Variants in CDH11 observed in about 807,000 individuals in gnomAD.
The protein encoded by CDH11 is cadherin 11.
Under a neutral mutation model 67.8 loss-of-function variants are expected in CDH11, and 11 were observed. The observed-to-expected ratio is 0.16, with a 90% CI of 0.10 to 0.27. CDH11 has a LOEUF of 0.27. Among genes scored for constraint, CDH11 ranks in the 10% least tolerant of loss-of-function variants. CDH11 has a pLI of 1.00. For synonymous variants in CDH11, 419 were observed against 400.0 expected (o/e 1.05, Z -0.57); for missense variants, 847 against 1,031.2 (o/e 0.82, Z 2.45).
At chr16:65,064,369 A>T (rs544161877) in intron 1 of CDH11, among the ~76,000 whole-genome samples, 1 of 152,366 alleles carries the variant, frequency 6.6e-6, no homozygotes, top group East Asian at 1.9e-4. Context: ...CAGAGGTGAT[A>T]ATATGTGCAC....
intron 1 of CDH11, among the ~76,000 whole-genome samples, chr16:65,108,320 G>T (rs893073869): frequency 1.7e-4 from 26 of 152,314 alleles, no homozygotes; most frequent in Non-Finnish European, 3.7e-4. Flanking sequence ...AGCAGGAATG[G>T]TGATGAATAA....
chr16:65,083,694 C>T (rs561880757), intron 1 of CDH11, among the ~76,000 whole-genome samples: 16 of 152,318 alleles, frequency 1.1e-4, no homozygotes, highest in Admixed American at 4.6e-4. Flanking sequence ...TTTGCAACTC[C>T]CTTATAAAGG....
At chr16:65,091,842 T>C (rs1037181057) in intron 1 of CDH11, among the ~76,000 whole-genome samples, 3 of 152,184 alleles carry the variant, frequency 2.0e-5, no homozygotes, top group African/African-American at 7.2e-5. Flanking sequence ...TACCCTAGCC[T>C]CAGTTCCCTA....
chr16:65,111,771 C>G (rs770866999), intron 1 of CDH11, among the ~76,000 whole-genome samples: 2 of 151,270 alleles, frequency 1.3e-5, no homozygotes, highest in African/African-American at 4.9e-5. Flanking sequence ...TGGAAGACAA[C>G]TTAAAAATGA....
chr16:65,077,099 G>T (rs1040635900), intron 1 of CDH11, among the ~76,000 whole-genome samples: 1 of 152,082 alleles, frequency 6.6e-6, no homozygotes, highest in East Asian at 1.9e-4. Context: ...ACTGCATCTT[G>T]TTATTTCCAA....
chr16:65,100,762 GA>G (rs1256861812), intron 1 of CDH11, among the ~76,000 whole-genome samples: 7 of 150,048 alleles, frequency 4.7e-5, no homozygotes, highest in African/African-American at 1.7e-4. Context: ...AAGAAAGAAA[GA>G]AAAAGAAAAA....
chr16:65,030,845 G>T (rs1376493648), intron 2 of CDH11, among the ~76,000 whole-genome samples: 1 of 152,182 alleles, frequency 6.6e-6, no homozygotes, highest in African/African-American at 2.4e-5. Flanking sequence ...TTAGAGGTGT[G>T]AGCCACTATG....
chr16:65,052,460 G>T (rs1327428035), intron 2 of CDH11, among the ~76,000 whole-genome samples: 1 of 152,178 alleles, frequency 6.6e-6, no homozygotes, highest in Non-Finnish European at 1.5e-5. Flanking sequence ...TATGAGGTGA[G>T]AGAGATTATG....
chr16:65,043,340 C>CAA lies in CDH11; in HGVS notation c.-173+10463_-173+10464insTT, dbSNP rs1194216832. On this transcript the variant is annotated intron_variant, in intron 2 of 12. Transcript: ENST00000268603. The stretch of plus-strand genomic sequence containing the variant: ...ACGCTGACTCTGAGATGGAGTTTAG[C>CAA]ATGGGGATGTTTACTAGGGGGTACC... Among the ~76,000 whole-genome samples the CAA allele has an allele frequency of 2.5e-3, 374 of 152,196 alleles. 3 individuals carry two copies. The highest frequency in any genetic ancestry group is 8.3e-3 in the African/African-American group (345 of 41,522).
Position 64,967,649 on chromosome 16 carries a change from A to G in CDH11, c.1642+3930T>C, listed in dbSNP as rs538727421. On this transcript the variant is annotated intron_variant, in intron 11 of 12. Transcript: ENST00000268603. ...TATTGATTTGTATTACATACTATTA[A>G]GTGGGAAAATTAGTGGACATATATT... 3.3e-5 allele frequency among the ~76,000 whole-genome samples: 5 copies of G among 152,354 alleles called. No homozygotes were observed. In the East Asian group the frequency reaches 9.6e-4, roughly 29 times the overall value.
At chr16:64,959,045 C>A (rs974087124) in intron 11 of CDH11, among the ~76,000 whole-genome samples, 2 of 152,102 alleles carry the variant, frequency 1.3e-5, no homozygotes, top group Non-Finnish European at 2.9e-5. Context: ...AAATGATGAG[C>A]CTTAACGTAC....
chr16:65,049,860 A>C (rs975779302), intron 2 of CDH11, among the ~76,000 whole-genome samples: 2 of 152,138 alleles, frequency 1.3e-5, no homozygotes, highest in Admixed American at 1.3e-4. Flanking sequence ...CCTACATCCC[A>C]AAATAGGAAA....
intron 1 of CDH11, among the ~76,000 whole-genome samples, chr16:65,082,903 C>T (rs993499107): frequency 7.2e-5 from 11 of 152,160 alleles, no homozygotes; most frequent in African/African-American, 2.2e-4. Flanking sequence ...GACATTGATG[C>T]TTTACCTGTA....
intron 1 of CDH11, among the ~76,000 whole-genome samples, chr16:65,073,496 G>A (rs540220810): frequency 1.3e-5 from 2 of 152,288 alleles, no homozygotes; most frequent in South Asian, 4.1e-4. Flanking sequence ...TGGCCAGGCT[G>A]GTTTCAAACT....
intron 1 of CDH11, among the ~76,000 whole-genome samples, chr16:65,113,968 T>A (rs1461151056): frequency 6.6e-6 from 1 of 152,112 alleles, no homozygotes; most frequent in African/African-American, 2.4e-5. Context: ...TTAACTATTA[T>A]CAAATACCAG....
intron 11 of CDH11, among the ~76,000 whole-genome samples, chr16:64,953,651 G>C (rs1489280449): frequency 3.3e-5 from 5 of 152,030 alleles, no homozygotes; most frequent in African/African-American, 9.7e-5. Context: ...TCCATACTTA[G>C]CAATTACAAT....
At chr16:65,111,995 G>C (rs28703270) in intron 1 of CDH11, among the ~76,000 whole-genome samples, 5,155 of 150,832 alleles carry the variant, frequency 0.034, 336 homozygotes, top group African/African-American at 0.12. Flanking sequence ...ACTCGAACCC[G>C]GGAAGTGGAG....
At position 64,944,094 on chromosome 16, in the gene CDH11, G is replaced by A. The variant is rs2071154404; in HGVS notation, c.*3509C>T. 1 of 232,652 alleles carries A rather than the reference G, an allele frequency of 4.3e-6. No individual in the cohort carries two copies. The highest frequency in any genetic ancestry group is 2.2e-5 in the African/African-American group (1 of 45,298). 14.4% of individuals were successfully genotyped at this position (232,652 alleles called of 1,614,324 possible). ...TGGAATGACACTGGAGAGGTTCGCAGGGCCCTGTTCATGTAAAGCAATAAA... is the reference window on the plus strand; with the variant it reads ...TGGAATGACACTGGAGAGGTTCGCAAGGCCCTGTTCATGTAAAGCAATAAA... On this transcript the variant is annotated 3_prime_UTR_variant, in exon 13 of 13. Transcript: ENST00000268603.
intron 8 of CDH11, among the ~76,000 whole-genome samples, chr16:64,975,760 C>T (rs1386267592): frequency 2.6e-5 from 4 of 151,958 alleles, no homozygotes; most frequent in East Asian, 1.9e-4. Flanking sequence ...TGGATATATG[C>T]CCTGTAATGA....
Sources: allele counts gnomAD v4.1 joint callset (sites outside exome capture counted in the v4.1 genomes callset), GRCh38; gene constraint gnomAD v4.1.1; transcripts MANE v1.5; gene names NCBI Gene and HGNC (gene_info 2026-07-23, HGNC 2026-07-21).